The following IL1R1 variants were observed in gnomAD, a reference collection of about 807,000 sequenced individuals.
IL1R1 encodes the protein interleukin-1 receptor type 1.
In IL1R1, 22 loss-of-function variants were observed where a neutral mutation model predicts 50.2. The ratio of observed to expected loss-of-function variants is 0.44; its 90% CI spans 0.31 to 0.63. The LOEUF (loss-of-function observed/expected upper bound fraction) is 0.63, where lower values mean the gene tolerates loss of function less well. Among genes scored for constraint, IL1R1 ranks in the 20% least tolerant of loss-of-function variants. The probability of loss-of-function intolerance (pLI) is 0.07; values close to 1 mark genes in which losing one functional copy is unlikely to be tolerated. For synonymous variants in IL1R1, 251 were observed against 236.7 expected (o/e 1.06, Z -0.55); for missense variants, 509 against 676.2 (o/e 0.75, Z 2.74).
intron 1 of IL1R1, among the ~76,000 whole-genome samples, chr2:102,076,807 G>A (rs2104277622): frequency 6.6e-6 from 1 of 152,068 alleles, no homozygotes; most frequent in East Asian, 1.9e-4. Context: ...AGGGCTTGTT[G>A]CCCTTCTTGG....
intron 1 of IL1R1, among the ~76,000 whole-genome samples, chr2:102,081,953 A>G (rs1286438777): frequency 6.6e-6 from 1 of 152,224 alleles, no homozygotes; most frequent in African/African-American, 2.4e-5. Context: ...CATGGGCTAC[A>G]GAGCATTTTC....
intron 1 of IL1R1, among the ~76,000 whole-genome samples, chr2:102,127,650 T>TG (rs760834983): frequency 1.6e-4 from 19 of 121,808 alleles, no homozygotes; most frequent in Non-Finnish European, 3.0e-4. Context: ...GAGATGTGTG[T>TG]GTGTGACTGT....
At chr2:102,175,673 G>C (rs755064740) in intron 11 of IL1R1, 28 bp downstream of exon 11, 23 of 1,605,250 alleles carry the variant, frequency 1.4e-5, no homozygotes, top group South Asian at 1.1e-4. Flanking sequence ...CAGAGTAAAG[G>C]CTTATTGTTG....
chr2:102,178,376 CAT>C lies in IL1R1; in HGVS notation c.*1619_*1620del, dbSNP rs1298667759. The C allele has an allele frequency of 4.6e-5, 7 of 152,300 alleles. No individual in the cohort carries two copies. The highest frequency in any genetic ancestry group is 1.9e-4 in the East Asian group (1 of 5,322). 9.4% of individuals were successfully genotyped at this position (152,300 alleles called of 1,614,324 possible). ...TTCCAGGAGCAATTTGCACATGTAA[CAT>C]AGATTTATGTAATGCTTTATGTTTA... On this transcript the variant is annotated 3_prime_UTR_variant, in exon 12 of 12. Coordinates refer to ENST00000410023, the MANE Select transcript of IL1R1 (RefSeq NM_000877.4).
intron 10 of IL1R1, 116 bp from the exon 11 acceptor site, chr2:102,175,362 G>C: frequency 1.3e-6 from 1 of 772,202 alleles, no homozygotes; most frequent in Non-Finnish European, 2.2e-6. Flanking sequence ...CTTCAGTCAT[G>C]CCATTGTATA....
At position 102,093,482 on chromosome 2, in the gene IL1R1, T is replaced by G. The variant is rs145650247; in HGVS notation, c.-84+22949T>G. On this transcript the variant is annotated intron_variant, in intron 1 of 11. Coordinates refer to the IL1R1 transcript ENST00000409929. ...CCAGCAGTATTTGAGTTCCAGTTCA[T>G]CCACATCCTCCCTTGCACTTGGAAT... is the stretch of plus-strand genomic sequence containing the variant. Among the ~76,000 whole-genome samples, 278 of 152,296 alleles carry G rather than the reference T, an allele frequency of 1.8e-3. 1 individual carries two copies. Among genetic ancestry groups the G allele is most frequent in the African/African-American group, 6.1e-3 (254 of 41,566 alleles).
rs200894343 is a variant in IL1R1 at position 102,176,958 on chromosome 2, T to C, written c.*199T>C. 3.8e-4 allele frequency: 215 copies of C among 567,502 alleles called. 3 individuals carry two copies. The highest frequency in any genetic ancestry group is 2.3e-3 in the South Asian group (90 of 39,808). 35.2% of individuals were successfully genotyped at this position (567,502 alleles called of 1,614,324 possible). The stretch of plus-strand genomic sequence containing the variant: ...CCAGGGCACTTCAGAGTAGAGGGCT[T>C]GGGAAGATCTTTTAAAAAGGCAGTA... On this transcript the variant is annotated 3_prime_UTR_variant, in exon 12 of 12. Transcript: ENST00000410023.
At chr2:102,089,293 A>G (rs1679557932) in intron 1 of IL1R1, among the ~76,000 whole-genome samples, 1 of 152,142 alleles carries the variant, frequency 6.6e-6, no homozygotes. Flanking sequence ...TAATTTCAAT[A>G]TTGTTGCATC....
intron 1 of IL1R1, among the ~76,000 whole-genome samples, chr2:102,081,479 T>A (rs1679205528): frequency 6.6e-6 from 1 of 152,198 alleles, no homozygotes; most frequent in African/African-American, 2.4e-5. Context: ...GCTCTACAAA[T>A]GATCAAGTTT....
chr2:102,169,219 A>C (rs1685462317), intron 7 of IL1R1, among the ~76,000 whole-genome samples: 1 of 152,210 alleles, frequency 6.6e-6, no homozygotes, highest in Non-Finnish European at 1.5e-5. Context: ...TACAGGCCCC[A>C]AAGATGGTAG....
At chr2:102,098,146 A>G (rs1437160572) in intron 1 of IL1R1, among the ~76,000 whole-genome samples, 2 of 152,058 alleles carry the variant, frequency 1.3e-5, no homozygotes, top group East Asian at 1.9e-4. Context: ...TATCATATAT[A>G]GAGTAAGGGA....
rs1464717187 is a variant in IL1R1 at position 102,168,207 on chromosome 2, C to T, written c.656-391C>T. ...GGGTCATTAACACAGTCATTAAATG[C>T]AAGCAGGTCTAGTATTGACTAGCCC... On this transcript the variant is annotated intron_variant, in intron 6 of 11. Transcript: ENST00000410023. Among the ~76,000 whole-genome samples, 5 of 152,316 alleles carry T rather than the reference C, an allele frequency of 3.3e-5. No homozygotes were observed. In the South Asian group the frequency reaches 6.2e-4, roughly 19 times the overall value.
intron 1 of IL1R1, among the ~76,000 whole-genome samples, chr2:102,105,654 A>ATG (rs1553625181): frequency 1.1e-4 from 17 of 152,176 alleles, no homozygotes; most frequent in Non-Finnish European, 2.5e-4. Flanking sequence ...ATGAGCCACC[A>ATG]CGCCTGGCCT....
chr2:102,133,077 T>C (rs1251537134), intron 1 of IL1R1, among the ~76,000 whole-genome samples: 1 of 151,718 alleles, frequency 6.6e-6, no homozygotes, highest in Non-Finnish European at 1.5e-5. Context: ...ACCCCATCGC[T>C]ACTAAAAATA....
chr2:102,127,102 C>T (rs1222965237), intron 1 of IL1R1, among the ~76,000 whole-genome samples: 1 of 152,180 alleles, frequency 6.6e-6, no homozygotes, highest in African/African-American at 2.4e-5. Flanking sequence ...CTCTGCTTTG[C>T]CCAGTGTCAT....
chr2:102,121,473 C>T (rs997523609), intron 1 of IL1R1, among the ~76,000 whole-genome samples: 4 of 152,212 alleles, frequency 2.6e-5, no homozygotes, highest in Non-Finnish European at 5.9e-5. Flanking sequence ...TCTACTCCTT[C>T]TTCTGGAGTT....
chr2:102,099,152 G>A (rs1680028204), intron 1 of IL1R1, among the ~76,000 whole-genome samples: 1 of 152,172 alleles, frequency 6.6e-6, no homozygotes, highest in African/African-American at 2.4e-5. Context: ...GTTAAACAAA[G>A]TCTGTAGATC....
At chr2:102,149,855 ACTG>A (rs1339534532) in intron 1 of IL1R1, among the ~76,000 whole-genome samples, 1 of 152,084 alleles carries the variant, frequency 6.6e-6, no homozygotes, top group African/African-American at 2.4e-5. Flanking sequence ...ATGCGGTGGG[ACTG>A]CTCCGTGCAG....
upstream of IL1R1, among the ~76,000 whole-genome samples, chr2:102,141,400 T>A (rs1357488909): frequency 6.6e-6 from 1 of 152,190 alleles, no homozygotes; most frequent in Non-Finnish European, 1.5e-5. Context: ...AAAGGAATAT[T>A]GAGAGCTGGG....
Sources: gnomAD v4.1 joint callset for allele counts (sites outside exome capture counted in the v4.1 genomes callset) on GRCh38, gnomAD v4.1.1 for gene constraint, MANE v1.5 for transcripts, NCBI Gene and HGNC (gene_info 2026-07-23, HGNC 2026-07-21) for gene names.